Variants in GPHN observed in about 807,000 individuals in gnomAD.
GPHN encodes gephyrin.
GPHN carries 17 observed loss-of-function variants against 95.5 expected under a neutral mutation model. That is an observed-to-expected ratio of 0.18 (90% CI 0.12 to 0.27). The LOEUF (loss-of-function observed/expected upper bound fraction) is 0.27, where lower values mean the gene tolerates loss of function less well. Among genes scored for constraint, GPHN ranks in the 10% least tolerant of loss-of-function variants. The pLI, the probability that GPHN is intolerant of heterozygous loss-of-function variation, is 1.00. For synonymous variants in GPHN, 320 were observed against 322.5 expected (o/e 0.99, Z 0.08); for missense variants, 660 against 978.1 (o/e 0.67, Z 4.34).
At chr14:67,217,885 G>A in the GPHN span, among the ~76,000 whole-genome samples, 4 of 152,074 alleles carry the variant, frequency 2.6e-5, no homozygotes, top group Non-Finnish European at 4.4e-5. Context: ...TGAGTTCTGT[G>A]CATCTAATGG....
chr14:66,626,175 A>G (rs1351846910), intron 1 of GPHN, among the ~76,000 whole-genome samples: 1 of 152,216 alleles, frequency 6.6e-6, no homozygotes, highest in Non-Finnish European at 1.5e-5. Flanking sequence ...TATTATGCTT[A>G]GATAATTATA....
the GPHN span, among the ~76,000 whole-genome samples, chr14:67,540,254 T>C: frequency 8.2e-4 from 125 of 152,338 alleles, no homozygotes; most frequent in African/African-American, 2.9e-3. Flanking sequence ...ACCTCTTACC[T>C]TGAAGTATTT....
At chr14:67,454,328 A>G in the GPHN span, 1 of 152,204 alleles carries the variant, frequency 6.6e-6, no homozygotes. Flanking sequence ...ACCTGTTGAA[A>G]TTCCTTCCCA....
At chr14:67,293,102 A>G in the GPHN span, among the ~76,000 whole-genome samples, 4 of 152,172 alleles carry the variant, frequency 2.6e-5, no homozygotes, top group Non-Finnish European at 4.4e-5. Context: ...CAGGCATTAT[A>G]TAACGCCTAA....
rs200989127 is a variant in GPHN, at chr14:66,582,582, T to C, written c.64+73991T>C. Among the ~76,000 whole-genome samples the C allele has an allele frequency of 2.6e-5, 4 of 150,986 alleles. No individual in the cohort carries two copies. The East Asian group carries it at 7.9e-4, about 30-fold the overall frequency. ...CCAGTGTGTGATGTTCCCCTTCCTG[T>C]GTCTATGTGTTCTCATTGTTCAATT... On this transcript the variant is annotated intron_variant, in intron 1 of 22. Coordinates refer to ENST00000478722, the MANE Select transcript of GPHN (RefSeq NM_020806.5).
At chr14:67,236,192 C>A in the GPHN span, among the ~76,000 whole-genome samples, 1 of 152,074 alleles carries the variant, frequency 6.6e-6, no homozygotes, top group African/African-American at 2.4e-5. Flanking sequence ...CTTATTCCTC[C>A]TAACTGAAAT....
chr14:66,942,616 T>C lies in GPHN; in HGVS notation c.828+18324T>C, dbSNP rs146664931. ...ACATAACAACCTTAATTATGATTGA[T>C]AGCATATACTTTAGACATTAGAATT... is the stretch of plus-strand genomic sequence containing the variant. On this transcript the variant is annotated intron_variant, in intron 8 of 22. Transcript: ENST00000478722. 1.6e-3 allele frequency among the ~76,000 whole-genome samples: 241 copies of C among 152,340 alleles called. 6 individuals are homozygous for C. In the East Asian group the frequency reaches 0.04, roughly 26 times the overall value.
At chr14:67,347,484 T>C in the GPHN span, 106,963 of 1,500,996 alleles carry the variant, frequency 0.071, 12,601 homozygotes, top group East Asian at 0.4. Context: ...CATGGATTCA[T>C]AAACCTTTAA....
chr14:67,295,444 T>G, the GPHN span, among the ~76,000 whole-genome samples: 1 of 150,892 alleles, frequency 6.6e-6, no homozygotes, highest in Non-Finnish European at 1.5e-5. Flanking sequence ...GAGCTGAGAT[T>G]GCACCACTGC....
the GPHN span, among the ~76,000 whole-genome samples, chr14:67,428,444 A>C: frequency 1.3e-5 from 2 of 152,262 alleles, no homozygotes; most frequent in African/African-American, 4.8e-5. Flanking sequence ...GCTTGTACAT[A>C]TTTAATCTTC....
chr14:66,660,073 T>C (rs1436135744), intron 1 of GPHN, among the ~76,000 whole-genome samples: 2 of 152,068 alleles, frequency 1.3e-5, no homozygotes, highest in African/African-American at 2.4e-5. Flanking sequence ...ATCTCTTTTC[T>C]AGTGGTTGTT....
chr14:66,574,250 T>A (rs1040609070), intron 1 of GPHN, among the ~76,000 whole-genome samples: 2 of 152,144 alleles, frequency 1.3e-5, no homozygotes, highest in Admixed American at 1.3e-4. Flanking sequence ...TAGCTGATAA[T>A]TGATTTAACT....
At chr14:66,717,999 G>A (rs1251179700) in intron 2 of GPHN, among the ~76,000 whole-genome samples, 2 of 152,172 alleles carry the variant, frequency 1.3e-5, no homozygotes, top group African/African-American at 4.8e-5. Flanking sequence ...CCAGGAGGTG[G>A]TGCTTTCCAG....
chr14:67,337,613 C>T, the GPHN span: 1 of 151,798 alleles, frequency 6.6e-6, no homozygotes, highest in Non-Finnish European at 1.5e-5. Context: ...CAGAACTAAA[C>T]ATTATTCCAT....
intron 4 of GPHN, among the ~76,000 whole-genome samples, chr14:66,827,677 A>G (rs988994347): frequency 6.6e-6 from 1 of 152,120 alleles, no homozygotes. Context: ...CAGATAGACA[A>G]CTATAGCCTT....
the GPHN span, among the ~76,000 whole-genome samples, chr14:67,340,919 G>A: frequency 1.2e-4 from 18 of 152,382 alleles, no homozygotes; most frequent in South Asian, 4.1e-4. Context: ...CGAGTGATCC[G>A]CCAGCCTCGG....
At chr14:67,278,916 T>G in the GPHN span, 12 of 269,898 alleles carry the variant, frequency 4.4e-5, no homozygotes, top group Admixed American at 3.9e-4. Flanking sequence ...TATTACATAC[T>G]TATTATTTTC....
chr14:66,840,147 C>T (rs781565415), intron 4 of GPHN, among the ~76,000 whole-genome samples: 5 of 152,066 alleles, frequency 3.3e-5, no homozygotes, highest in Non-Finnish European at 5.9e-5. Flanking sequence ...GGCATGATGA[C>T]ATGCCCCTGT....
chr14:66,587,650 A>T lies in GPHN; in HGVS notation c.64+79059A>T, dbSNP rs571807274. On this transcript the variant is annotated intron_variant, in intron 1 of 22. Transcript: ENST00000478722. The stretch of plus-strand genomic sequence containing the variant: ...ATGGCTATCTGAATAGATGCAGAAG[A>T]GGCATTTGACAAAATCTAAAATATT... 9.8e-5 allele frequency among the ~76,000 whole-genome samples: 15 copies of T among 152,354 alleles called. No individual in the cohort carries two copies. The South Asian group carries it at 3.1e-3, about 32-fold the overall frequency.
Sources: allele counts gnomAD v4.1 joint callset (sites outside exome capture counted in the v4.1 genomes callset), GRCh38; gene constraint gnomAD v4.1.1; transcripts MANE v1.5; gene names NCBI Gene and HGNC (gene_info 2026-07-23, HGNC 2026-07-21).